DTNA: variants seen among roughly 807,000 people sequenced by gnomAD.
The protein encoded by DTNA is dystrobrevin alpha.
In DTNA, 43 loss-of-function variants were observed where a neutral mutation model predicts 100.7. The ratio of observed to expected loss-of-function variants is 0.43; its 90% CI spans 0.33 to 0.55. The LOEUF (loss-of-function observed/expected upper bound fraction) is 0.55. DTNA is among the 20% of genes least tolerant of loss of function. DTNA has a pLI of 0.04. For missense variants in DTNA, 798 were observed against 953.9 expected, an observed-to-expected ratio of 0.84 and a Z score of 2.15; for synonymous variants, 349 against 347.9, an observed-to-expected ratio of 1.00 and a Z score of -0.04.
At chr18:34,608,493 G>C (rs1022921422) in intron 1 of DTNA, among the ~76,000 whole-genome samples, 9 of 150,054 alleles carry the variant, frequency 6.0e-5, no homozygotes, top group African/African-American at 9.9e-5. Context: ...TTTGACAAAA[G>C]GGACAAAAGT....
chr18:34,820,410 A>G (rs1356542189), intron 8 of DTNA, among the ~76,000 whole-genome samples: 1 of 152,176 alleles, frequency 6.6e-6, no homozygotes, highest in East Asian at 1.9e-4. Flanking sequence ...AACAAGCCAT[A>G]TAAAGATTTT....
chr18:34,711,319 A>C (rs948238297), intron 1 of DTNA, among the ~76,000 whole-genome samples: 4 of 151,566 alleles, frequency 2.6e-5, no homozygotes, highest in African/African-American at 9.8e-5. Context: ...TATTTTAATT[A>C]CTTTTTCATG....
chr18:34,718,419 A>C (rs2084528671), intron 1 of DTNA, among the ~76,000 whole-genome samples: 1 of 152,238 alleles, frequency 6.6e-6, no homozygotes, highest in African/African-American at 2.4e-5. Flanking sequence ...TAGAAAGGTC[A>C]AAAAAGCAAT....
At chr18:34,701,904 C>G (rs2081423024) in intron 1 of DTNA, among the ~76,000 whole-genome samples, 1 of 152,202 alleles carries the variant, frequency 6.6e-6, no homozygotes, top group Admixed American at 6.5e-5. Context: ...AAACTCGTTT[C>G]ACTATCCACC....
At chr18:34,788,022 A>G (rs1328382327) in intron 3 of DTNA, among the ~76,000 whole-genome samples, 1 of 152,208 alleles carries the variant, frequency 6.6e-6, no homozygotes, top group Non-Finnish European at 1.5e-5. Context: ...TTAATGTAAA[A>G]TATATGCAAC....
chr18:34,589,599 ACT>A (rs2049484520), intron 1 of DTNA, among the ~76,000 whole-genome samples: 1 of 151,934 alleles, frequency 6.6e-6, no homozygotes, highest in South Asian at 2.1e-4. Context: ...ACAGATCCAG[ACT>A]CTGTCTCAAA....
upstream of DTNA, among the ~76,000 whole-genome samples, chr18:34,709,135 G>A (rs1466738021): frequency 2.0e-5 from 3 of 152,170 alleles, no homozygotes; most frequent in African/African-American, 7.2e-5. Context: ...TTGAGGGAAA[G>A]CTTTCAGATG....
intron 2 of DTNA, chr18:34,759,847 T>G (rs1230693985): frequency 6.6e-6 from 1 of 152,010 alleles, no homozygotes; most frequent in East Asian, 1.9e-4. Context: ...CCTGGCTAAT[T>G]TTTGTATTTT....
chr18:34,556,701 C>T (rs1189324666), intron 1 of DTNA, among the ~76,000 whole-genome samples: 1 of 150,092 alleles, frequency 6.7e-6, no homozygotes, highest in African/African-American at 2.5e-5. Flanking sequence ...TATCGGCCCC[C>T]ACTCTCTTCT....
chr18:34,873,802 T>G (rs1445686862), intron 17 of DTNA, among the ~76,000 whole-genome samples: 1 of 152,186 alleles, frequency 6.6e-6, no homozygotes, highest in African/African-American at 2.4e-5. Flanking sequence ...GGTTTCAAGG[T>G]AATGGGGCTG....
chr18:34,577,861 T>A (rs180847871), intron 1 of DTNA, among the ~76,000 whole-genome samples: 8 of 152,330 alleles, frequency 5.3e-5, no homozygotes, highest in Admixed American at 5.2e-4. Flanking sequence ...ACTCGTTGAT[T>A]GATGGGCATT....
chr18:34,889,459 G>T lies in DTNA; in HGVS notation c.*1725G>T, dbSNP rs147118542. The T allele has an allele frequency of 1.1e-3, 1,095 of 985,318 alleles. 8 individuals carry two copies. The African/African-American group carries it at 0.018, about 16-fold the overall frequency. The allele number at this position is 985,318 out of a possible 1,614,324, so 61.0% of individuals were successfully genotyped here. On this transcript the variant is annotated 3_prime_UTR_variant, in exon 23 of 23. Transcript: ENST00000444659. ...GTCGTATAATAAAGTCTCTGAAAAG[G>T]CCTTATTCAGAATAAGCAAGAAAGG... is the stretch of plus-strand genomic sequence containing the variant.
chr18:34,691,266 T>C (rs1027919837), intron 1 of DTNA, among the ~76,000 whole-genome samples: 5 of 152,220 alleles, frequency 3.3e-5, no homozygotes, highest in African/African-American at 4.8e-5. Context: ...CTAAACTAAC[T>C]TTCTAACTTA....
chr18:34,852,259 G>A (rs2096490734), intron 15 of DTNA, among the ~76,000 whole-genome samples: 1 of 152,064 alleles, frequency 6.6e-6, no homozygotes, highest in Non-Finnish European at 1.5e-5. Context: ...CTGGGTACTA[G>A]GTAGAAGGTG....
At chr18:34,746,748 T>G (rs1280654111) in intron 1 of DTNA, among the ~76,000 whole-genome samples, 2 of 152,100 alleles carry the variant, frequency 1.3e-5, no homozygotes, top group African/African-American at 4.8e-5. Context: ...GAGTCTGAAT[T>G]TGGATCATCA....
intron 2 of DTNA, among the ~76,000 whole-genome samples, chr18:34,758,085 A>G (rs1434321939): frequency 6.6e-6 from 1 of 152,238 alleles, no homozygotes. Flanking sequence ...CATACAAAAG[A>G]GAAAGGTAAT....
chr18:34,814,009 CAA>C (rs1376096468), intron 6 of DTNA, among the ~76,000 whole-genome samples: 1 of 152,138 alleles, frequency 6.6e-6, no homozygotes, highest in Non-Finnish European at 1.5e-5. Context: ...TGGCTTGCAA[CAA>C]CCCTGTGACC....
intron 1 of DTNA, among the ~76,000 whole-genome samples, chr18:34,744,385 G>A (rs2091229150): frequency 6.6e-6 from 1 of 152,070 alleles, no homozygotes; most frequent in Non-Finnish European, 1.5e-5. Flanking sequence ...CACACATCAT[G>A]GATATCATGA....
chr18:34,550,937 A>G (rs986247731), intron 1 of DTNA, among the ~76,000 whole-genome samples: 1 of 152,144 alleles, frequency 6.6e-6, no homozygotes, highest in Admixed American at 6.6e-5. Flanking sequence ...TACAGCTTTC[A>G]TTGATGACAT....
Sources: gnomAD v4.1 joint callset for allele counts (sites outside exome capture counted in the v4.1 genomes callset) on GRCh38, gnomAD v4.1.1 for gene constraint, MANE v1.5 for transcripts, NCBI Gene and HGNC (gene_info 2026-07-23, HGNC 2026-07-21) for gene names.